ZFYVE28: variants seen among roughly 807,000 people sequenced by gnomAD.
ZFYVE28 encodes lateral signaling target protein 2 homolog.
In ZFYVE28, 40 loss-of-function variants were observed where a neutral mutation model predicts 82.1. The observed-to-expected ratio is 0.49, with a 90% CI of 0.38 to 0.63. The LOEUF (loss-of-function observed/expected upper bound fraction) is 0.63, where lower values mean the gene tolerates loss of function less well. Ranked by LOEUF, ZFYVE28 falls within the 30% of genes least tolerant of loss-of-function variation. ZFYVE28 has a pLI of 0.00. For missense variants in ZFYVE28, 1,321 were observed against 1,242.1 expected, an observed-to-expected ratio of 1.06 and a Z score of -0.96; for synonymous variants, 612 against 546.1, an observed-to-expected ratio of 1.12 and a Z score of -1.68.
rs1722351180 is a variant in ZFYVE28 at position 2,339,213 on chromosome 4, C to T, written c.521+240G>A. Among the ~76,000 whole-genome samples, 1 of 150,640 alleles carries T rather than the reference C, an allele frequency of 6.6e-6. No homozygotes were observed. Among genetic ancestry groups the T allele is most frequent in the Non-Finnish European group, 1.5e-5 (1 of 67,504 alleles). ...TCTCCAAAGCCCTTCCCCTGGAGGC[C>T]CACGGCGGCCAGATCCACACCTGTG... On this transcript the variant is annotated intron_variant, in intron 4 of 12. Transcript: ENST00000290974. This position sits in a 1 kb window ranked among gnomAD's most constrained non-coding sequence, Gnocchi z 5.0.
At chr4:2,381,289 GAAGAAATTTCT>G (rs1728710103) in intron 1 of ZFYVE28, among the ~76,000 whole-genome samples, 1 of 152,220 alleles carries the variant, frequency 6.6e-6, no homozygotes, top group South Asian at 2.1e-4. Context: ...GTATCTGCGG[GAAGAAATTTCT>G]AAGAAGCAAA....
At chr4:2,333,335 C>T (rs1721031343) in intron 6 of ZFYVE28, among the ~76,000 whole-genome samples, 1 of 149,366 alleles carries the variant, frequency 6.7e-6, no homozygotes, top group African/African-American at 2.5e-5. Context: ...CCCGCCTCCC[C>T]TTGCCTCCCA....
At chr4:2,369,226 A>G (rs1727230833) in intron 1 of ZFYVE28, among the ~76,000 whole-genome samples, 1 of 152,116 alleles carries the variant, frequency 6.6e-6, no homozygotes, top group Admixed American at 6.5e-5. Flanking sequence ...CTGTGGACTG[A>G]CCAGATCTGC....
rs913968800 is a variant in ZFYVE28 at position 2,300,771 on chromosome 4, G to A, written c.2051+3518C>T. Among the ~76,000 whole-genome samples, 2 of 152,082 alleles carry A rather than the reference G, an allele frequency of 1.3e-5. No homozygotes were observed. Among genetic ancestry groups the A allele is most frequent in the African/African-American group, 2.4e-5 (1 of 41,416 alleles). Reference sequence around the variant, plus strand: ...TTTGCAGTACACGGAGACGCGACTCGCACGTGAGACTGGAAGCCGTGAATC... The same window carrying A: ...TTTGCAGTACACGGAGACGCGACTCACACGTGAGACTGGAAGCCGTGAATC... On this transcript the variant is annotated intron_variant, in intron 8 of 12. Transcript: ENST00000290974. The surrounding 1 kb of genome is among the most constrained non-coding windows in gnomAD (Gnocchi z 4.6).
intron 8 of ZFYVE28, among the ~76,000 whole-genome samples, chr4:2,302,221 A>C (rs1715665520): frequency 6.6e-6 from 1 of 152,222 alleles, no homozygotes; most frequent in East Asian, 1.9e-4. Flanking sequence ...ATACTATAAA[A>C]CATTCTTCAA....
rs113206924 is a variant in ZFYVE28 at position 2,271,539 on chromosome 4, G to A, written c.2429-125C>T. 22,298 of 1,398,384 alleles carry A rather than the reference G, an allele frequency of 0.016. 1,548 individuals carry two copies. The African/African-American group carries it at 0.2, about 12-fold the overall frequency. The allele number at this position is 1,398,384 out of a possible 1,614,324, so 86.6% of individuals were successfully genotyped here. A position where few individuals can be genotyped will look rare whatever the true frequency, so the allele number is the denominator to read the frequency against. On this transcript the variant is annotated intron_variant, in intron 11 of 12. Coordinates refer to ENST00000290974, the MANE Select transcript of ZFYVE28 (RefSeq NM_020972.3). ...GCCGCCTGGCCTCCAGCCAGCCTCC[G>A]GGGGGGCGGTCTCCCAGCTCCCACA...
intron 1 of ZFYVE28, among the ~76,000 whole-genome samples, chr4:2,377,352 C>T (rs1370225010): frequency 1.3e-5 from 2 of 152,216 alleles, no homozygotes; most frequent in Non-Finnish European, 2.9e-5. Context: ...TATTTTAGGA[C>T]ACACATAATT....
chr4:2,282,454 T>A (rs187943309), intron 8 of ZFYVE28, among the ~76,000 whole-genome samples: 3 of 152,142 alleles, frequency 2.0e-5, no homozygotes, highest in Admixed American at 6.5e-5. Context: ...GATGTCATCA[T>A]TGGGGTGGGA....
intron 1 of ZFYVE28, among the ~76,000 whole-genome samples, chr4:2,386,417 G>A (rs894577481): frequency 1.3e-5 from 2 of 152,120 alleles, no homozygotes; most frequent in African/African-American, 2.4e-5. Context: ...CAAAGGAGGC[G>A]GAGGTTGCGG....
At chr4:2,370,900 G>A (rs955504350) in intron 1 of ZFYVE28, among the ~76,000 whole-genome samples, 14 of 152,192 alleles carry the variant, frequency 9.2e-5, no homozygotes, top group African/African-American at 3.4e-4. Context: ...CGTGTGTCTC[G>A]GATCTTCCTG....
rs1050190237 is a variant in ZFYVE28, at chr4:2,341,708, G to A, written c.181-93C>T. On this transcript the variant is annotated intron_variant, in intron 2 of 12. Transcript: ENST00000290974. The surrounding 1 kb of genome is among the most constrained non-coding windows in gnomAD (Gnocchi z 4.5). ...GAAAACACGCACGGTGCATGTGACTGTTTTTTAGGATTATTAAAGTGATAG... is the reference window on the plus strand; with the variant it reads ...GAAAACACGCACGGTGCATGTGACTATTTTTTAGGATTATTAAAGTGATAG... 7.9e-6 allele frequency: 12 copies of A among 1,513,170 alleles called. No individual in the cohort carries two copies. In the African/African-American group the frequency reaches 9.6e-5, roughly 12 times the overall value. The allele number at this position is 1,513,170 out of a possible 1,614,324, so 93.7% of individuals were successfully genotyped here. A position where few individuals can be genotyped will look rare whatever the true frequency, so the allele number is the denominator to read the frequency against.
chr4:2,409,715 G>A lies in ZFYVE28; in HGVS notation c.39+8570C>T, dbSNP rs542353281. 1.1e-4 allele frequency among the ~76,000 whole-genome samples: 17 copies of A among 152,340 alleles called. No individual in the cohort carries two copies. The highest frequency in any genetic ancestry group is 4.1e-4 in the South Asian group (2 of 4,826). Reference sequence around the variant, plus strand: ...GTGGGGTGGGGGGGCTGACCCCTGCGGGCAGCTCTGTGGGAGGAGGTCGGT... The same window carrying A: ...GTGGGGTGGGGGGGCTGACCCCTGCAGGCAGCTCTGTGGGAGGAGGTCGGT... On this transcript the variant is annotated intron_variant, in intron 1 of 12. Coordinates refer to ENST00000290974, the MANE Select transcript of ZFYVE28 (RefSeq NM_020972.3). The surrounding 1 kb of genome is among the most constrained non-coding windows in gnomAD (Gnocchi z 4.4).
intron 1 of ZFYVE28, among the ~76,000 whole-genome samples, chr4:2,383,830 C>G (rs539419127): frequency 2.0e-5 from 3 of 152,286 alleles, no homozygotes; most frequent in Admixed American, 1.3e-4. Context: ...GGGCCTTTCT[C>G]TGTGTGTGGT....
intron 1 of ZFYVE28, among the ~76,000 whole-genome samples, chr4:2,412,503 G>A (rs953062485): frequency 3.9e-5 from 6 of 152,116 alleles, no homozygotes; most frequent in African/African-American, 1.2e-4. Flanking sequence ...TGGGAGGGAC[G>A]AGAATTCCCA....
intron 7 of ZFYVE28, among the ~76,000 whole-genome samples, chr4:2,319,324 C>T (rs538795258): frequency 6.6e-6 from 1 of 152,178 alleles, no homozygotes; most frequent in Non-Finnish European, 1.5e-5. Context: ...GAACCAAGCA[C>T]CCCTGCCCCT....
chr4:2,271,623 C>A, intron 11 of ZFYVE28, 52 bp downstream of exon 11: 1 of 1,574,410 alleles, frequency 6.4e-7, no homozygotes, highest in Non-Finnish European at 8.7e-7. Context: ...GTGGCTCCCA[C>A]AGCCCCCACT....
intron 1 of ZFYVE28, among the ~76,000 whole-genome samples, chr4:2,354,940 C>T (rs1339536197): frequency 6.6e-6 from 1 of 151,752 alleles, no homozygotes; most frequent in African/African-American, 2.4e-5. Flanking sequence ...GTTTCCACAC[C>T]AGTGCACTGT....
At chr4:2,370,841 T>A (rs1304278696) in intron 1 of ZFYVE28, among the ~76,000 whole-genome samples, 1 of 152,190 alleles carries the variant, frequency 6.6e-6, no homozygotes, top group Non-Finnish European at 1.5e-5. Flanking sequence ...CCTCTCTGAC[T>A]GCCCTCAGGA....
chr4:2,283,067 C>T (rs867510518), intron 8 of ZFYVE28, among the ~76,000 whole-genome samples: 14 of 152,014 alleles, frequency 9.2e-5, no homozygotes, highest in East Asian at 1.9e-4. Context: ...TGGGCCCTGA[C>T]GCAAATGGTG....
Sources: gnomAD v4.1 joint callset for allele counts (sites outside exome capture counted in the v4.1 genomes callset) on GRCh38, gnomAD v4.1.1 for gene constraint, Gnocchi (gnomAD v3.1) non-coding constraint, MANE v1.5 for transcripts, NCBI Gene and HGNC (gene_info 2026-07-23, HGNC 2026-07-21) for gene names.